The following FRMD6 variants were observed in gnomAD, a reference collection of about 807,000 sequenced individuals.
The protein encoded by FRMD6 is FERM domain-containing protein 6.
A neutral mutation model predicts 73.2 loss-of-function variants in FRMD6; 37 were observed. The ratio of observed to expected loss-of-function variants is 0.51; its 90% CI spans 0.39 to 0.66. The LOEUF is 0.66. Among genes scored for constraint, FRMD6 ranks in the 30% least tolerant of loss-of-function variants. The pLI, the probability that FRMD6 is intolerant of heterozygous loss-of-function variation, is 0.00. For missense variants in FRMD6, 714 were observed against 780.5 expected (o/e 0.91, Z 1.02); for synonymous variants, 273 against 282.2 (o/e 0.97, Z 0.33).
intron 2 of FRMD6, among the ~76,000 whole-genome samples, chr14:51,589,959 G>GC (rs575389850): frequency 1.1e-4 from 17 of 151,886 alleles, no homozygotes; most frequent in African/African-American, 3.4e-4. Context: ...TTCCAGCTAT[G>GC]CAGGAGGCTT....
chr14:51,710,938 T>C (rs1291456130), intron 7 of FRMD6, among the ~76,000 whole-genome samples: 4 of 152,172 alleles, frequency 2.6e-5, no homozygotes, highest in Admixed American at 6.5e-5. Context: ...CAAGTGATCA[T>C]TGAACTTCTT....
the FRMD6 span, among the ~76,000 whole-genome samples, chr14:51,416,222 C>G: frequency 6.6e-6 from 1 of 152,138 alleles, no homozygotes; most frequent in Non-Finnish European, 1.5e-5. Context: ...TCTTGCTTCT[C>G]TAGTTCTTTT....
At chr14:51,539,662 G>A (rs896845233) in intron 1 of FRMD6, among the ~76,000 whole-genome samples, 3 of 152,074 alleles carry the variant, frequency 2.0e-5, no homozygotes, top group Non-Finnish European at 2.9e-5. Context: ...GGAGAGCAGA[G>A]GCATTGAGTA....
At chr14:51,450,740 A>G in the FRMD6 span, among the ~76,000 whole-genome samples, 1 of 152,240 alleles carries the variant, frequency 6.6e-6, no homozygotes, top group Non-Finnish European at 1.5e-5. Flanking sequence ...CAAACAAACC[A>G]TGACTATGGG....
the FRMD6 span, among the ~76,000 whole-genome samples, chr14:51,426,995 G>C: frequency 2.6e-5 from 4 of 152,194 alleles, no homozygotes; most frequent in Admixed American, 6.5e-5. Flanking sequence ...AAATGGAACA[G>C]TTACCAATTT....
the FRMD6 span, among the ~76,000 whole-genome samples, chr14:51,450,894 G>A: frequency 6.6e-6 from 1 of 152,184 alleles, no homozygotes; most frequent in Non-Finnish European, 1.5e-5. Context: ...GTACTCCTGT[G>A]AACTTGGCAG....
At chr14:51,578,557 C>T (rs1408673542) in intron 2 of FRMD6, among the ~76,000 whole-genome samples, 1 of 152,154 alleles carries the variant, frequency 6.6e-6, no homozygotes, top group Non-Finnish European at 1.5e-5. Context: ...GATACCCAGC[C>T]CTGAAAACAC....
chr14:51,716,743 A>G (rs1897262895), intron 10 of FRMD6, among the ~76,000 whole-genome samples: 1 of 152,212 alleles, frequency 6.6e-6, no homozygotes, highest in Admixed American at 6.5e-5. Context: ...AGCTGCTGCT[A>G]GACTGCCACT....
chr14:51,686,282 G>A (rs1476044776), intron 1 of FRMD6, among the ~76,000 whole-genome samples: 1 of 151,968 alleles, frequency 6.6e-6, no homozygotes, highest in Non-Finnish European at 1.5e-5. Flanking sequence ...ACATGATTAT[G>A]GTATATTTGT....
At chr14:51,722,759 A>G (rs1897700710) in intron 12 of FRMD6, among the ~76,000 whole-genome samples, 1 of 152,256 alleles carries the variant, frequency 6.6e-6, no homozygotes, top group South Asian at 2.1e-4. Flanking sequence ...GTCACACATC[A>G]TGAATCAGTC....
intron 2 of FRMD6, among the ~76,000 whole-genome samples, chr14:51,570,795 T>A (rs927967219): frequency 3.9e-5 from 6 of 152,264 alleles, no homozygotes; most frequent in African/African-American, 1.4e-4. Context: ...TAATGTTTCT[T>A]CCTTTCTTTT....
chr14:51,716,789 A>C (rs1317166733), intron 10 of FRMD6, among the ~76,000 whole-genome samples: 2 of 152,156 alleles, frequency 1.3e-5, no homozygotes, highest in Non-Finnish European at 2.9e-5. Context: ...TAACAAATAT[A>C]TCTCTCCTAT....
chr14:51,666,951 A>G (rs886175704), intron 1 of FRMD6, among the ~76,000 whole-genome samples: 1 of 152,164 alleles, frequency 6.6e-6, no homozygotes, highest in African/African-American at 2.4e-5. Flanking sequence ...CTTGGGCAAC[A>G]TGATGAAACT....
intron 5 of FRMD6, 44 bp downstream of exon 5, chr14:51,702,632 T>C (rs1457226245): frequency 2.0e-6 from 3 of 1,468,838 alleles, no homozygotes; most frequent in South Asian, 1.2e-5. Context: ...TTTTCCCCCA[T>C]AGCACTTTTT....
At chr14:51,512,563 C>T (rs1884373858) in intron 1 of FRMD6, among the ~76,000 whole-genome samples, 1 of 152,210 alleles carries the variant, frequency 6.6e-6, no homozygotes, top group Non-Finnish European at 1.5e-5. Flanking sequence ...TAAAGCTAGC[C>T]CATGCAAGGA....
chr14:51,555,716 C>T (rs1488830591), intron 1 of FRMD6, among the ~76,000 whole-genome samples: 1 of 151,214 alleles, frequency 6.6e-6, no homozygotes, highest in African/African-American at 2.4e-5. Context: ...GCAGGAGAAT[C>T]GCTTGAACTT....
intron 2 of FRMD6, among the ~76,000 whole-genome samples, chr14:51,697,613 T>C (rs1305135310): frequency 6.6e-6 from 1 of 152,088 alleles, no homozygotes; most frequent in African/African-American, 2.4e-5. Flanking sequence ...TACTTGAAAA[T>C]GCTAAGAATA....
At chr14:51,486,530 T>A (rs968781385), upstream of FRMD6, among the ~76,000 whole-genome samples, 1 of 152,376 alleles carries the variant, frequency 6.6e-6, no homozygotes. Context: ...ACTGTATACC[T>A]GTTATCATAA....
chr14:51,457,569 C>T, the FRMD6 span, among the ~76,000 whole-genome samples: 602 of 152,308 alleles, frequency 4.0e-3, 4 homozygotes, highest in African/African-American at 0.014. Context: ...TCCTCCTGAA[C>T]ATCCACCATT....
Sources: gnomAD v4.1 joint callset for allele counts (sites outside exome capture counted in the v4.1 genomes callset) on GRCh38, gnomAD v4.1.1 for gene constraint, MANE v1.5 for transcripts, NCBI Gene and HGNC (gene_info 2026-07-23, HGNC 2026-07-21) for gene names.